The following TTC28 variants were observed in gnomAD, a reference collection of about 807,000 sequenced individuals.
TTC28 encodes tetratricopeptide repeat domain 28, also known as tetratricopeptide repeat protein 28.
TTC28 carries 61 observed loss-of-function variants against 198.0 expected under a neutral mutation model. That is an observed-to-expected ratio of 0.31 (90% CI 0.25 to 0.38). The LOEUF (loss-of-function observed/expected upper bound fraction) is 0.38. Ranked by LOEUF, TTC28 falls within the 10% of genes least tolerant of loss-of-function variation. The pLI is 1.00. For synonymous variants in TTC28, 1,171 were observed against 1,297.8 expected (o/e 0.90, Z 2.10); for missense variants, 2,678 against 3,164.0 (o/e 0.85, Z 3.69).
At chr22:28,433,385 C>T (rs2047464032) in intron 2 of TTC28, among the ~76,000 whole-genome samples, 1 of 152,120 alleles carries the variant, frequency 6.6e-6, no homozygotes, top group Non-Finnish European at 1.5e-5. Context: ...CTTAAAGTAC[C>T]CAGGTCAAGA....
At chr22:28,349,325 T>C (rs761584634) in intron 2 of TTC28, among the ~76,000 whole-genome samples, 3 of 152,216 alleles carry the variant, frequency 2.0e-5, no homozygotes, top group Non-Finnish European at 2.9e-5. Flanking sequence ...CTTAACTAAA[T>C]TGTAAAAGCA....
chr22:28,610,814 A>G (rs1047733461), intron 2 of TTC28, among the ~76,000 whole-genome samples: 16 of 152,192 alleles, frequency 1.1e-4, no homozygotes, highest in African/African-American at 3.6e-4. Flanking sequence ...CAAGGAAGCT[A>G]AGAACCTTGA....
Position 28,030,237 on chromosome 22 carries a change from G to C in TTC28, c.4062C>G (p.Asn1354Lys), listed in dbSNP as rs1218288209. 13 of 1,551,600 alleles carry C rather than the reference G, an allele frequency of 8.4e-6. No individual in the cohort carries two copies. The highest frequency in any genetic ancestry group is 1.4e-5 in the African/African-American group (1 of 73,062). Reference sequence around the variant, plus strand: ...CGCCCCACACTCACCTGTTAAACAGGTTATTGCGGCGAACCATCCGCAGAA... The same window carrying C: ...CGCCCCACACTCACCTGTTAAACAGCTTATTGCGGCGAACCATCCGCAGAA... ...TGFLRMVRRN[N>K]LFNRSCQSMT... is the part of the protein sequence containing the mutation. Residue 1354 changes from asparagine to lysine, a missense_variant, in exon 13 of 23, where the codon AAC becomes AAG. Transcript: ENST00000397906.
intron 14 of TTC28, among the ~76,000 whole-genome samples, chr22:28,009,833 G>C (rs35906248): frequency 0.041 from 6,189 of 152,332 alleles, 189 homozygotes; most frequent in South Asian, 0.055. Flanking sequence ...ATAAAACTGG[G>C]GATGGAGAGG....
intron 5 of TTC28, among the ~76,000 whole-genome samples, chr22:28,193,696 T>C (rs1925108490): frequency 6.6e-6 from 1 of 152,132 alleles, no homozygotes; most frequent in East Asian, 1.9e-4. Context: ...AGGAAGGTCA[T>C]TACATAATGT....
At chr22:28,083,986 G>A (rs1941463784) in intron 12 of TTC28, among the ~76,000 whole-genome samples, 1 of 152,392 alleles carries the variant, frequency 6.6e-6, no homozygotes, top group South Asian at 2.1e-4. Flanking sequence ...CATTGCTCAG[G>A]CTTGAGTAGG....
chr22:28,014,456 C>G, intron 13 of TTC28, 64 bp from the exon 14 acceptor site: 1 of 1,477,848 alleles, frequency 6.8e-7, no homozygotes, highest in Middle Eastern at 1.8e-4. Context: ...TCACCCTGGC[C>G]CTCCAAGCCA....
chr22:28,656,433 T>C (rs902876682), intron 1 of TTC28, among the ~76,000 whole-genome samples: 3 of 152,184 alleles, frequency 2.0e-5, no homozygotes, highest in African/African-American at 7.2e-5. Flanking sequence ...CTTCTAGATC[T>C]TTACCACCCA....
intron 2 of TTC28, among the ~76,000 whole-genome samples, chr22:28,315,817 T>C (rs976083000): frequency 6.6e-6 from 1 of 152,184 alleles, no homozygotes; most frequent in African/African-American, 2.4e-5. Flanking sequence ...TGTGAGGTAT[T>C]ACCTAGAGTT....
At chr22:28,197,612 T>C (rs1925507513) in intron 5 of TTC28, among the ~76,000 whole-genome samples, 1 of 152,026 alleles carries the variant, frequency 6.6e-6, no homozygotes, top group African/African-American at 2.4e-5. Context: ...TAAATAAAAC[T>C]TTTAAATTTA....
chr22:28,199,530 C>CATAT (rs10689151), intron 5 of TTC28, among the ~76,000 whole-genome samples: 23,335 of 138,758 alleles, frequency 0.17, 2,388 homozygotes, highest in South Asian at 0.29. Context: ...AATACCTATA[C>CATAT]ATATATATAT....
At chr22:28,269,245 CAG>C (rs1931891220) in intron 5 of TTC28, among the ~76,000 whole-genome samples, 1 of 152,018 alleles carries the variant, frequency 6.6e-6, no homozygotes, top group Non-Finnish European at 1.5e-5. Flanking sequence ...TCTGTGGTAT[CAG>C]TGGTCTTTGG....
chr22:28,671,962 C>T (rs1411707128), intron 1 of TTC28, among the ~76,000 whole-genome samples: 1 of 151,760 alleles, frequency 6.6e-6, no homozygotes, highest in East Asian at 2.0e-4. Flanking sequence ...AGGTATGAGC[C>T]ACTGCACCTG....
intron 2 of TTC28, among the ~76,000 whole-genome samples, chr22:28,441,608 T>G (rs1003602164): frequency 7.9e-5 from 12 of 152,218 alleles, no homozygotes; most frequent in African/African-American, 2.9e-4. Flanking sequence ...CGCCAGGCTA[T>G]GCTAAGGCAG....
intron 5 of TTC28, among the ~76,000 whole-genome samples, chr22:28,266,747 T>C (rs942230360): frequency 3.3e-5 from 5 of 152,168 alleles, no homozygotes; most frequent in African/African-American, 9.7e-5. Context: ...AGATCAAAGA[T>C]GTATAAGCAA....
chr22:28,349,511 G>A (rs1387179803), intron 2 of TTC28, among the ~76,000 whole-genome samples: 1 of 152,160 alleles, frequency 6.6e-6, no homozygotes, highest in African/African-American at 2.4e-5. Flanking sequence ...AAAGCAAAGA[G>A]CAAACTCTCT....
intron 2 of TTC28, among the ~76,000 whole-genome samples, chr22:28,418,398 A>C (rs1478854810): frequency 6.6e-6 from 1 of 152,254 alleles, no homozygotes; most frequent in Non-Finnish European, 1.5e-5. Context: ...CAGAATCTCT[A>C]GAAATTAGAT....
chr22:28,230,783 T>C (rs926318117), intron 5 of TTC28, among the ~76,000 whole-genome samples: 2 of 152,186 alleles, frequency 1.3e-5, no homozygotes, highest in African/African-American at 4.8e-5. Flanking sequence ...TTTTATATAA[T>C]TGTAAACTAT....
chr22:28,145,781 A>C (rs933454805), intron 6 of TTC28, among the ~76,000 whole-genome samples: 1 of 152,240 alleles, frequency 6.6e-6, no homozygotes, highest in Admixed American at 6.5e-5. Context: ...CTCTTTCGAC[A>C]TATGATACAA....
Sources: allele counts gnomAD v4.1 joint callset (sites outside exome capture counted in the v4.1 genomes callset), GRCh38; gene constraint gnomAD v4.1.1; transcripts MANE v1.5; gene names NCBI Gene and HGNC (gene_info 2026-07-23, HGNC 2026-07-21).